EEIG2: variants seen among roughly 807,000 people sequenced by gnomAD.
EEIG2 encodes EEIG family member 2.
chr1:108,619,216 T>A, the EEIG2 span, among the ~76,000 whole-genome samples: 2 of 152,222 alleles, frequency 1.3e-5, no homozygotes, highest in Non-Finnish European at 2.9e-5. Flanking sequence ...AATTTAATTC[T>A]GACAATCTGG....
chr1:108,619,820 G>C, the EEIG2 span, among the ~76,000 whole-genome samples: 1 of 152,226 alleles, frequency 6.6e-6, no homozygotes, highest in Non-Finnish European at 1.5e-5. Flanking sequence ...AGCCCAAGAA[G>C]CTGAGGTTGC....
At chr1:108,614,400 C>T in the EEIG2 span, among the ~76,000 whole-genome samples, 1 of 152,112 alleles carries the variant, frequency 6.6e-6, no homozygotes, top group Admixed American at 6.6e-5. Flanking sequence ...GGCAGTCATA[C>T]TCTACTTCCT....
chr1:108,560,122 A>AGGCGGC, the EEIG2 span: 66 of 174,652 alleles, frequency 3.8e-4, no homozygotes, highest in South Asian at 4.2e-3. Flanking sequence ...GCGGCGGCGG[A>AGGCGGC]GGCGGCGGCG....
the EEIG2 span, among the ~76,000 whole-genome samples, chr1:108,584,378 T>A: frequency 6.6e-6 from 1 of 152,134 alleles, no homozygotes; most frequent in Non-Finnish European, 1.5e-5. Context: ...AAGAAGAAAT[T>A]CCCAGACTTT....
chr1:108,599,972 G>T, the EEIG2 span, among the ~76,000 whole-genome samples: 1 of 152,148 alleles, frequency 6.6e-6, no homozygotes, highest in African/African-American at 2.4e-5. Flanking sequence ...CTCCAGCCTG[G>T]GTGACAGAGG....
the EEIG2 span, among the ~76,000 whole-genome samples, chr1:108,572,131 C>T: frequency 6.6e-6 from 1 of 152,130 alleles, no homozygotes; most frequent in Non-Finnish European, 1.5e-5. Context: ...TCATTTGTAC[C>T]TTTGTACTGT....
At chr1:108,580,330 T>C in the EEIG2 span, among the ~76,000 whole-genome samples, 1 of 150,404 alleles carries the variant, frequency 6.6e-6, no homozygotes, top group Non-Finnish European at 1.5e-5. Context: ...GGGACCTCCC[T>C]ATTCCCTGAG....
At chr1:108,629,561 A>T in the EEIG2 span, 1 of 1,496,420 alleles carries the variant, frequency 6.7e-7, no homozygotes, top group Non-Finnish European at 9.3e-7. Context: ...TTGTACATGT[A>T]ACAAACATTT....
At chr1:108,592,865 T>C in the EEIG2 span, among the ~76,000 whole-genome samples, 2 of 152,084 alleles carry the variant, frequency 1.3e-5, no homozygotes. Context: ...TTGGGCTGGG[T>C]GTGGTGACTT....
At chr1:108,629,136 G>C in the EEIG2 span, among the ~76,000 whole-genome samples, 2 of 152,198 alleles carry the variant, frequency 1.3e-5, no homozygotes, top group African/African-American at 4.8e-5. Context: ...TTAAGCCACT[G>C]TTGTAATTTG....
At chr1:108,610,864 G>GCAGAGCTTGCAGTGAGC in the EEIG2 span, among the ~76,000 whole-genome samples, 1 of 152,116 alleles carries the variant, frequency 6.6e-6, no homozygotes, top group Non-Finnish European at 1.5e-5. Flanking sequence ...AAGCTGGGAG[G>GCAGAGCTTGCAGTGAGC]CAGAGCTTGC....
the EEIG2 span, chr1:108,628,444 C>T: frequency 1.2e-5 from 19 of 1,613,992 alleles, no homozygotes; most frequent in Non-Finnish European, 1.5e-5. Context: ...AGCTCTGCCA[C>T]AGGAGAAATA....
the EEIG2 span, chr1:108,600,464 C>T: frequency 7.6e-7 from 1 of 1,315,816 alleles, no homozygotes; most frequent in Non-Finnish European, 1.0e-6. Context: ...TGGCTTTTAA[C>T]ACATTACTTT....
At chr1:108,604,882 G>A in the EEIG2 span, among the ~76,000 whole-genome samples, 3 of 141,606 alleles carry the variant, frequency 2.1e-5, no homozygotes, top group Non-Finnish European at 3.1e-5. Flanking sequence ...AAAAAAAAAA[G>A]AGAAAAAAAA....
At chr1:108,612,140 T>G in the EEIG2 span, 1 of 1,409,556 alleles carries the variant, frequency 7.1e-7, no homozygotes, top group African/African-American at 1.4e-5. Context: ...AGAAGCCTAC[T>G]AGATAGTCTA....
At chr1:108,631,053 A>G in the EEIG2 span, 2 of 289,486 alleles carry the variant, frequency 6.9e-6, no homozygotes, top group South Asian at 2.8e-5. Flanking sequence ...AGAGAGAGAC[A>G]TATAAAGCTA....
At chr1:108,632,246 T>C in the EEIG2 span, among the ~76,000 whole-genome samples, 3 of 152,040 alleles carry the variant, frequency 2.0e-5, no homozygotes, top group East Asian at 5.8e-4. Context: ...TTAACCAGTA[T>C]ATTTTACTGG....
the EEIG2 span, chr1:108,629,761 G>A: frequency 1.2e-6 from 1 of 807,642 alleles, no homozygotes. Flanking sequence ...CTGAAGCAAG[G>A]AAACACAGAT....
At chr1:108,571,243 A>G in the EEIG2 span, among the ~76,000 whole-genome samples, 20 of 152,276 alleles carry the variant, frequency 1.3e-4, no homozygotes, top group South Asian at 1.9e-3. Flanking sequence ...TACAGCCTGC[A>G]AGTGGCAATG....
Sources: allele counts gnomAD v4.1 joint callset (sites outside exome capture counted in the v4.1 genomes callset), GRCh38; gene constraint gnomAD v4.1.1; transcripts MANE v1.5; gene names NCBI Gene and HGNC (gene_info 2026-07-23, HGNC 2026-07-21).